Variants in PSMA8 observed in about 807,000 individuals in gnomAD.
PSMA8 encodes the protein proteasome 20S subunit alpha 8.
PSMA8 carries 18 observed loss-of-function variants against 32.4 expected under a neutral mutation model. That is an observed-to-expected ratio of 0.56 (90% CI 0.38 to 0.82). The LOEUF is 0.82. Ranked by LOEUF, PSMA8 falls within the 40% of genes least tolerant of loss-of-function variation. The pLI is 0.00. For missense variants in PSMA8, 298 were observed against 300.7 expected, an observed-to-expected ratio of 0.99 and a Z score of 0.07; for synonymous variants, 104 against 98.1, an observed-to-expected ratio of 1.06 and a Z score of -0.36.
At chr18:26,192,117 T>G (rs140760163) in intron 6 of PSMA8, among the ~76,000 whole-genome samples, 18 of 152,332 alleles carry the variant, frequency 1.2e-4, no homozygotes, top group African/African-American at 3.8e-4. Context: ...ACAGTGATAG[T>G]AGAAATGTCA....
At chr18:26,166,631 G>A (rs1210871292) in intron 4 of PSMA8, among the ~76,000 whole-genome samples, 1 of 152,170 alleles carries the variant, frequency 6.6e-6, no homozygotes, top group Non-Finnish European at 1.5e-5. Flanking sequence ...AAGCAGTTTT[G>A]TGATTGTTTG....
chr18:26,164,095 G>T (rs1460580506), intron 4 of PSMA8, among the ~76,000 whole-genome samples: 1 of 152,182 alleles, frequency 6.6e-6, no homozygotes, highest in Non-Finnish European at 1.5e-5. Context: ...GCAGGTCATT[G>T]GTGACCTTTA....
At chr18:26,152,413 C>G (rs1200855917) in intron 3 of PSMA8, among the ~76,000 whole-genome samples, 1 of 152,124 alleles carries the variant, frequency 6.6e-6, no homozygotes, top group East Asian at 1.9e-4. Context: ...CAGCCTCGAC[C>G]TTCTGGGCTC....
chr18:26,190,380 T>C (rs1568074108), intron 6 of PSMA8, among the ~76,000 whole-genome samples: 1 of 152,212 alleles, frequency 6.6e-6, no homozygotes, highest in Non-Finnish European at 1.5e-5. Flanking sequence ...CACATGCCTG[T>C]ATCAAAATAT....
intron 5 of PSMA8, 55 bp downstream of exon 5, chr18:26,179,004 A>G (rs960531416): frequency 2.1e-5 from 34 of 1,606,980 alleles, no homozygotes; most frequent in Non-Finnish European, 2.7e-5. Context: ...TTCCTCATCC[A>G]TTTTTGTTTA....
At chr18:26,164,464 G>A (rs573562663) in intron 4 of PSMA8, among the ~76,000 whole-genome samples, 1 of 152,244 alleles carries the variant, frequency 6.6e-6, no homozygotes, top group African/African-American at 2.4e-5. Flanking sequence ...TCCTATAAGA[G>A]GATAAACTGG....
In PSMA8 at chr18:26,137,420, T is replaced by C. The variant is rs536125814; in HGVS notation, c.102+3353T>C. On this transcript the variant is annotated intron_variant, in intron 1 of 6. Coordinates refer to ENST00000415576, the MANE Select transcript of PSMA8 (RefSeq NM_001025096.2). Reference sequence around the variant, plus strand: ...GTTGCATGAGCTGAGATTGCACCAGTGTACTCCAGCCTGAGTGACAGAGTG... The same window carrying C: ...GTTGCATGAGCTGAGATTGCACCAGCGTACTCCAGCCTGAGTGACAGAGTG... Among the ~76,000 whole-genome samples the C allele has an allele frequency of 2.6e-5, 4 of 152,298 alleles. No individual in the cohort carries two copies. In the South Asian group the frequency reaches 6.2e-4, roughly 24 times the overall value.
intron 4 of PSMA8, among the ~76,000 whole-genome samples, chr18:26,159,469 C>A (rs1019373911): frequency 6.6e-6 from 1 of 152,050 alleles, no homozygotes; most frequent in African/African-American, 2.4e-5. Flanking sequence ...CTTACCTGTA[C>A]TAGATTTCTT....
chr18:26,163,213 G>GTGTATATA (rs1420987062), intron 4 of PSMA8, among the ~76,000 whole-genome samples: 59 of 80,860 alleles, frequency 7.3e-4, no homozygotes, highest in Admixed American at 1.6e-3. Context: ...ATGTGTGTGT[G>GTGTATATA]TATATATATA....
chr18:26,137,877 T>C (rs1042211222), intron 1 of PSMA8, among the ~76,000 whole-genome samples: 1 of 152,118 alleles, frequency 6.6e-6, no homozygotes, highest in Non-Finnish European at 1.5e-5. Flanking sequence ...GAAGAAATAA[T>C]ACTTAAGTGG....
At chr18:26,184,061 C>T (rs1215356992) in intron 6 of PSMA8, among the ~76,000 whole-genome samples, 2 of 150,716 alleles carry the variant, frequency 1.3e-5, no homozygotes, top group African/African-American at 4.9e-5. Flanking sequence ...GGCTATTGCA[C>T]ACTCAATAGA....
intron 1 of PSMA8, among the ~76,000 whole-genome samples, chr18:26,135,721 A>G (rs948778275): frequency 6.6e-6 from 1 of 152,204 alleles, no homozygotes; most frequent in African/African-American, 2.4e-5. Context: ...ACTAGGGTGT[A>G]ATAAGAAACC....
chr18:26,144,722 T>C (rs1282579077), intron 2 of PSMA8, 37 bp downstream of exon 2: 1 of 1,606,880 alleles, frequency 6.2e-7, no homozygotes. Context: ...CATAGTGTCT[T>C]ACTGTAGTAG....
chr18:26,138,821 T>A (rs1177638351), intron 1 of PSMA8, among the ~76,000 whole-genome samples: 1 of 152,198 alleles, frequency 6.6e-6, no homozygotes, highest in Non-Finnish European at 1.5e-5. Flanking sequence ...GATGGTTATA[T>A]GGATGGTGTT....
intron 1 of PSMA8, among the ~76,000 whole-genome samples, chr18:26,138,451 C>T (rs73944484): frequency 0.023 from 3,476 of 152,196 alleles, 122 homozygotes; most frequent in African/African-American, 0.08. Context: ...AGTGAAAAGC[C>T]AATATGCAAA....
At position 26,163,250 on chromosome 18, in the gene PSMA8, T is replaced by TATATATA. The variant is rs1555662106; in HGVS notation, c.477+5007_477+5013dup. ...ATATATATATATATATATATATATATATATATATATATGCTGTGAGTAAAA... is the reference window on the plus strand; with the variant it reads ...ATATATATATATATATATATATATATATATATAATATATATATATGCTGTGAGTAAAA... On this transcript the variant is annotated intron_variant, in intron 4 of 6. Coordinates refer to ENST00000415576, the MANE Select transcript of PSMA8 (RefSeq NM_001025096.2). Among the ~76,000 whole-genome samples the TATATATA allele has an allele frequency of 1.0e-3, 97 of 94,548 alleles. 2 individuals are homozygous for TATATATA. Among genetic ancestry groups the TATATATA allele is most frequent in the Middle Eastern group, 5.6e-3 (1 of 178 alleles). The allele number at this position is 94,548 out of a possible 152,430, so 62.0% of individuals were successfully genotyped here.
At chr18:26,159,935 T>C (rs1053133794) in intron 4 of PSMA8, among the ~76,000 whole-genome samples, 3 of 152,174 alleles carry the variant, frequency 2.0e-5, no homozygotes, top group African/African-American at 4.8e-5. Context: ...AAAAAACATT[T>C]GAAAACCTTT....
intron 4 of PSMA8, among the ~76,000 whole-genome samples, chr18:26,171,683 G>C (rs1248015938): frequency 6.6e-6 from 1 of 151,964 alleles, no homozygotes; most frequent in Non-Finnish European, 1.5e-5. Context: ...GTAGTGAGCT[G>C]AGATCGTGCC....
rs950146292 is a variant in PSMA8, at chr18:26,193,192, G to C, written c.*781G>C. 8 of 152,224 alleles carry C rather than the reference G, an allele frequency of 5.3e-5. No individual in the cohort carries two copies. The highest frequency in any genetic ancestry group is 9.6e-5 in the African/African-American group (4 of 41,520). The allele number at this position is 152,224 out of a possible 1,614,324, so 9.4% of individuals were successfully genotyped here. On this transcript the variant is annotated 3_prime_UTR_variant, in exon 7 of 7. Transcript: ENST00000415576. The stretch of plus-strand genomic sequence containing the variant: ...CATATTCCATGAAATATCTGAGTGT[G>C]TATTTTATGATTGGTATTATGGAAG...
Sources: gnomAD v4.1 joint callset for allele counts (sites outside exome capture counted in the v4.1 genomes callset) on GRCh38, gnomAD v4.1.1 for gene constraint, MANE v1.5 for transcripts, NCBI Gene and HGNC (gene_info 2026-07-23, HGNC 2026-07-21) for gene names.